The following TSACC variants were observed in gnomAD, a reference collection of about 807,000 sequenced individuals.
The protein encoded by TSACC is TSSK6-activating co-chaperone protein.
In TSACC, 3 loss-of-function variants were observed where a neutral mutation model predicts 6.9. The observed-to-expected ratio is 0.43, with a 90% CI of 0.20 to 1.12. The LOEUF (loss-of-function observed/expected upper bound fraction) is 1.12, where lower values mean the gene tolerates loss of function less well. Among genes scored for constraint, TSACC ranks in the 50% most tolerant of loss-of-function variants. TSACC has a pLI of 0.28. For missense variants in TSACC, 137 were observed against 143.9 expected, an observed-to-expected ratio of 0.95 and a Z score of 0.24; for synonymous variants, 54 against 55.1, an observed-to-expected ratio of 0.98 and a Z score of 0.09.
rs562215089 is a variant in TSACC at position 156,344,567 on chromosome 1, A to G, written c.35-13A>G. 6.1e-4 allele frequency: 988 copies of G among 1,612,578 alleles called. 19 individuals are homozygous for G. The South Asian group carries it at 0.01, about 17-fold the overall frequency. ...TGTTGGAATGAGCTCTGATTTAGTT[A>G]TCTCTGATTTAGTTCCAGCCAAAGA... On this transcript the variant is annotated splice_polypyrimidine_tract_variant and intron_variant, in intron 2 of 3. Transcript: ENST00000368254.
chr1:156,344,776 G>T, intron 3 of TSACC, 68 bp downstream of exon 3: 1 of 1,568,246 alleles, frequency 6.4e-7, no homozygotes, highest in East Asian at 2.3e-5. Flanking sequence ...GAGGTGGCTT[G>T]AGCTGTCGCC....
upstream of TSACC, chr1:156,337,802 CA>C (rs11376291): frequency 1.2e-4 from 33 of 273,212 alleles, no homozygotes; most frequent in East Asian, 2.7e-4. Flanking sequence ...GAAAAAAAAA[CA>C]AAAAAAAACG....
Position 156,344,574 on chromosome 1 carries a change from A to G in TSACC, c.35-6A>G. 1 of 1,613,172 alleles carries G rather than the reference A, an allele frequency of 6.2e-7. No homozygotes were observed. The highest frequency in any genetic ancestry group is 8.5e-7 in the Non-Finnish European group (1 of 1,179,810). Reference sequence around the variant, plus strand: ...ATGAGCTCTGATTTAGTTATCTCTGATTTAGTTCCAGCCAAAGAGGAAGCT... The same window carrying G: ...ATGAGCTCTGATTTAGTTATCTCTGGTTTAGTTCCAGCCAAAGAGGAAGCT... On this transcript the variant is annotated splice_polypyrimidine_tract_variant and splice_region_variant and intron_variant, in intron 2 of 3. Coordinates refer to ENST00000368254, the MANE Select transcript of TSACC (RefSeq NM_001304817.2).
At chr1:156,342,616 C>T (rs1206694899) in intron 2 of TSACC, among the ~76,000 whole-genome samples, 6 of 152,214 alleles carry the variant, frequency 3.9e-5, no homozygotes, top group Admixed American at 3.3e-4. Flanking sequence ...CTTCAGATCC[C>T]AGCTGAGATA....
In TSACC at chr1:156,338,543, C is replaced by T. The variant is rs936145758; in HGVS notation, c.-187C>T. The T allele has an allele frequency of 4.6e-6, 2 of 438,782 alleles. No homozygotes were observed. The highest frequency in any genetic ancestry group is 8.3e-6 in the Non-Finnish European group (2 of 239,596). The allele number at this position is 438,782 out of a possible 1,614,324, so 27.2% of individuals were successfully genotyped here. ...GCTCTGGCAGTTGGCCAGCACACCA[C>T]TACGCATGTGTGTCAACTCTAGGGT... On this transcript the variant is annotated 5_prime_UTR_variant, in exon 1 of 4. Transcript: ENST00000368254.
Position 156,339,727 on chromosome 1 carries a change from T to C in TSACC, c.-31T>C. 1.2e-6 allele frequency: 2 copies of C among 1,613,720 alleles called. No individual in the cohort carries two copies. The highest frequency in any genetic ancestry group is 2.2e-5 in the South Asian group (2 of 91,006). On this transcript the variant is annotated 5_prime_UTR_variant, in exon 2 of 4. Coordinates refer to ENST00000368254, the MANE Select transcript of TSACC (RefSeq NM_001304817.2). ...TGTTGATCATCTGATGCTATGATTC[T>C]TTCCCAGGCACCACACCTGTTGGTG...
chr1:156,346,118 C>G (rs1352012592), intron 3 of TSACC, among the ~76,000 whole-genome samples: 1 of 145,810 alleles, frequency 6.9e-6, no homozygotes, highest in Non-Finnish European at 1.5e-5. Flanking sequence ...TGCTTGAACC[C>G]AGGAGGTGGA....
intron 2 of TSACC, among the ~76,000 whole-genome samples, chr1:156,340,341 A>G (rs1665798029): frequency 1.3e-5 from 2 of 151,516 alleles, no homozygotes. Context: ...TTGTGTTTTT[A>G]GTAGAGACGG....
chr1:156,339,487 T>G, intron 1 of TSACC, 147 bp from the exon 2 acceptor site: 3 of 416,100 alleles, frequency 7.2e-6, no homozygotes, highest in Non-Finnish European at 8.7e-6. Flanking sequence ...TTGGGTTTGG[T>G]TAAATTACTA....
rs368147660 is a variant in TSACC, at chr1:156,339,770, A to G, written c.13A>G (p.Thr5Ala). The G allele has an allele frequency of 2.5e-6, 4 of 1,614,068 alleles. No individual in the cohort carries two copies. Among genetic ancestry groups the G allele is most frequent in the Non-Finnish European group, 3.4e-6 (4 of 1,180,030 alleles). Residue 5 changes from threonine to alanine, a missense_variant, in exon 2 of 4, where the codon ACT becomes GCT. By Grantham distance (58) the Thr-to-Ala change is moderately conservative (BLOSUM62 0). Coordinates refer to ENST00000368254, the MANE Select transcript of TSACC (RefSeq NM_001304817.2). MERH[T>A]SHPNRKVPAK... is the part of the protein sequence containing the mutation. ...TGTTGGTGTTCAGATGGAGCGGCAC[A>G]CTAGTCATCCTAACAGAAAAGGTGT...
chr1:156,338,402 G>A, upstream of TSACC: 1 of 586,532 alleles, frequency 1.7e-6, no homozygotes, highest in Non-Finnish European at 3.1e-6. Flanking sequence ...CGCAAGAACG[G>A]CCAGACAAGT....
chr1:156,338,021 G>T, upstream of TSACC: 1 of 961,680 alleles, frequency 1.0e-6, no homozygotes, highest in Non-Finnish European at 1.6e-6. Context: ...GGGACACTGG[G>T]CTTCCAAAAT....
chr1:156,339,500 T>A (rs1159604957), intron 1 of TSACC, 134 bp from the exon 2 acceptor site: 1 of 453,746 alleles, frequency 2.2e-6, no homozygotes, highest in Non-Finnish European at 4.0e-6. Context: ...AATTACTATT[T>A]TGTCCAGAAA....
intron 2 of TSACC, among the ~76,000 whole-genome samples, chr1:156,342,658 C>G (rs867843998): frequency 6.6e-6 from 1 of 152,248 alleles, no homozygotes; most frequent in Non-Finnish European, 1.5e-5. Flanking sequence ...TCCAGCTCTA[C>G]AGACTAGGTC....
intron 2 of TSACC, among the ~76,000 whole-genome samples, chr1:156,341,919 G>C (rs1056481240): frequency 6.6e-6 from 1 of 151,902 alleles, no homozygotes; most frequent in Non-Finnish European, 1.5e-5. Context: ...AAAATTAGCC[G>C]GGCATTGTAG....
chr1:156,343,436 T>C (rs1398127380), intron 2 of TSACC, among the ~76,000 whole-genome samples: 2 of 152,180 alleles, frequency 1.3e-5, no homozygotes, highest in Non-Finnish European at 2.9e-5. Flanking sequence ...CTCTAGTCTC[T>C]TGCTTTTCCA....
chr1:156,338,285 G>C (rs912115259), upstream of TSACC: 2 of 1,170,834 alleles, frequency 1.7e-6, no homozygotes, highest in Non-Finnish European at 2.5e-6. Context: ...TGCCTCCTCA[G>C]GGCTTACACC....
chr1:156,337,812 C>A (rs376209919), upstream of TSACC: 32 of 305,256 alleles, frequency 1.0e-4, no homozygotes, highest in Middle Eastern at 9.0e-4. Flanking sequence ...CAAAAAAAAA[C>A]GTTATTCGTG....
At chr1:156,337,929 G>A, upstream of TSACC, 2 of 578,230 alleles carry the variant, frequency 3.5e-6, no homozygotes, top group Non-Finnish European at 6.2e-6. Flanking sequence ...ACGAGCACAC[G>A]TCAAGGAAAG....
Sources: gnomAD v4.1 joint callset for allele counts (sites outside exome capture counted in the v4.1 genomes callset) on GRCh38, gnomAD v4.1.1 for gene constraint, MANE v1.5 for transcripts, NCBI Gene and HGNC (gene_info 2026-07-23, HGNC 2026-07-21) for gene names.